The following NTN4 variants were observed in gnomAD, a reference collection of about 807,000 sequenced individuals.
The protein encoded by NTN4 is netrin 4.
NTN4 carries 32 observed loss-of-function variants against 73.6 expected under a neutral mutation model. The observed-to-expected ratio is 0.44, with a 90% CI of 0.33 to 0.58. The LOEUF (loss-of-function observed/expected upper bound fraction) is 0.58, where lower values mean the gene tolerates loss of function less well. Among genes scored for constraint, NTN4 ranks in the 20% least tolerant of loss-of-function variants. The probability of loss-of-function intolerance (pLI) is 0.04; values close to 1 mark genes in which losing one functional copy is unlikely to be tolerated. For synonymous variants in NTN4, 258 were observed against 287.5 expected, an observed-to-expected ratio of 0.90 and a Z score of 1.04; for missense variants, 654 against 798.3, an observed-to-expected ratio of 0.82 and a Z score of 2.18.
intron 5 of NTN4, among the ~76,000 whole-genome samples, chr12:95,699,507 T>A (rs2078467141): frequency 2.0e-5 from 3 of 151,948 alleles, no homozygotes; most frequent in Non-Finnish European, 1.5e-5. Context: ...GAGAGCATCA[T>A]GAGAAGGGGC....
chr12:95,720,285 G>A (rs2078637385), intron 3 of NTN4, among the ~76,000 whole-genome samples: 1 of 152,180 alleles, frequency 6.6e-6, no homozygotes, highest in African/African-American at 2.4e-5. Flanking sequence ...AGGGGAGAGA[G>A]GAGCCAAAAA....
At position 95,710,426 on chromosome 12, in the gene NTN4, C is replaced by T; in HGVS notation, c.1180+15G>A. The T allele has an allele frequency of 6.2e-7, 1 of 1,602,336 alleles. No individual in the cohort carries two copies. The highest frequency in any genetic ancestry group is 8.5e-7 in the Non-Finnish European group (1 of 1,172,304). ...TACAAATCAGCCTATTTTCTGGAAACCACAGGTTACTTACGTTTGCAAGCA... is the reference window on the plus strand; with the variant it reads ...TACAAATCAGCCTATTTTCTGGAAATCACAGGTTACTTACGTTTGCAAGCA... On this transcript the variant is annotated intron_variant, in intron 5 of 9. Transcript: ENST00000343702.
At position 95,683,644 on chromosome 12, in the gene NTN4, G is replaced by A; in HGVS notation, c.1248C>T (p.Ser416=). The A allele has an allele frequency of 6.2e-7, 1 of 1,614,054 alleles. No homozygotes were observed. Among genetic ancestry groups the A allele is most frequent in the South Asian group, 1.1e-5 (1 of 91,068 alleles). Residue 416 remains serine (S), a synonymous_variant, in exon 6 of 10, where the codon AGC becomes AGT. Coordinates refer to ENST00000343702, the MANE Select transcript of NTN4 (RefSeq NM_021229.4). ...CAGGCTTGCAAGGGCAGTCACCATTGCTGGGGTCGCAGAAGGTCACTGAGT... is the reference window on the plus strand; with the variant it reads ...CAGGCTTGCAAGGGCAGTCACCATTACTGGGGTCGCAGAAGGTCACTGAGT... ...PANSVTFCDP[S]NGDCPCKPGV...
At chr12:95,775,101 C>T (rs548242575) in intron 2 of NTN4, among the ~76,000 whole-genome samples, 47 of 152,330 alleles carry the variant, frequency 3.1e-4, no homozygotes, top group Non-Finnish European at 6.2e-4. Context: ...TGCTCTCATT[C>T]TAAGGAACAC....
chr12:95,781,499 G>A lies in NTN4; in HGVS notation c.585+5440C>T, dbSNP rs890102603. 1.3e-5 allele frequency among the ~76,000 whole-genome samples: 2 copies of A among 152,066 alleles called. No homozygotes were observed. The highest frequency in any genetic ancestry group is 2.9e-5 in the Non-Finnish European group (2 of 68,020). ...GCGAGCATCAGGAAGAATAGCTAAT[G>A]GATGCTGGGCTTAATACCTGGGCAA... On this transcript the variant is annotated intron_variant, in intron 2 of 9. Coordinates refer to ENST00000343702, the MANE Select transcript of NTN4 (RefSeq NM_021229.4). The surrounding 1 kb of genome is among the most constrained non-coding windows in gnomAD (Gnocchi z 4.1).
intron 5 of NTN4, among the ~76,000 whole-genome samples, chr12:95,697,145 A>G (rs1247909620): frequency 6.6e-6 from 1 of 151,838 alleles, no homozygotes; most frequent in African/African-American, 2.4e-5. Context: ...ATTGCACTCC[A>G]TTCAGCCTGG....
chr12:95,686,709 G>A (rs2078363642), intron 5 of NTN4, among the ~76,000 whole-genome samples: 1 of 149,024 alleles, frequency 6.7e-6, no homozygotes, highest in Non-Finnish European at 1.5e-5. Flanking sequence ...AATGAGCTGA[G>A]ATTGTACCAC....
intron 2 of NTN4, among the ~76,000 whole-genome samples, chr12:95,738,535 A>C (rs988929203): frequency 1.3e-5 from 2 of 152,152 alleles, no homozygotes; most frequent in African/African-American, 4.8e-5. Context: ...ACAAAGAGAG[A>C]GTGGCTGGAG....
Position 95,659,107 on chromosome 12 carries a change from A to AAT in NTN4, c.1864_1865dup (p.Leu623PhefsTer2). On this transcript the variant is annotated frameshift_variant, in exon 10 of 10. Transcript: ENST00000343702. LOFTEE classifies it high-confidence loss of function. ...AATGCTACTTGCACTCTCTTTTTAA[A>AAT]ATATCCATGACTTTTCTTCCAAGAG... 1.2e-6 allele frequency: 2 copies of AAT among 1,612,630 alleles called. No homozygotes were observed. Among genetic ancestry groups the AAT allele is most frequent in the Non-Finnish European group, 1.7e-6 (2 of 1,179,582 alleles).
At chr12:95,723,239 T>C (rs2078663345) in intron 3 of NTN4, among the ~76,000 whole-genome samples, 1 of 152,008 alleles carries the variant, frequency 6.6e-6, no homozygotes, top group Non-Finnish European at 1.5e-5. Context: ...AAAATTACCT[T>C]TCCTGCTGTC....
At chr12:95,764,637 C>T (rs1475884652) in intron 2 of NTN4, among the ~76,000 whole-genome samples, 1 of 150,850 alleles carries the variant, frequency 6.6e-6, no homozygotes, top group African/African-American at 2.4e-5. Context: ...TGCACTCCAG[C>T]CTGGGTGAGA....
At chr12:95,741,404 C>A (rs1423142988) in intron 2 of NTN4, among the ~76,000 whole-genome samples, 4 of 91,404 alleles carry the variant, frequency 4.4e-5, no homozygotes, top group Non-Finnish European at 2.2e-5. Flanking sequence ...TAGGAAAAAC[C>A]TATAATGTAA....
At chr12:95,679,456 C>T (rs2078298917) in intron 7 of NTN4, among the ~76,000 whole-genome samples, 2 of 152,160 alleles carry the variant, frequency 1.3e-5, no homozygotes, top group South Asian at 4.1e-4. Flanking sequence ...GCTACTCTTC[C>T]AGTCTCAATT....
At chr12:95,785,616 G>A (rs1460933197) in intron 2 of NTN4, among the ~76,000 whole-genome samples, 9 of 152,230 alleles carry the variant, frequency 5.9e-5, no homozygotes, top group Admixed American at 5.2e-4. Context: ...ATCTATGGAA[G>A]TGGGGAAAGG....
chr12:95,734,441 G>A (rs898340695), intron 3 of NTN4, among the ~76,000 whole-genome samples: 3 of 152,164 alleles, frequency 2.0e-5, no homozygotes, highest in African/African-American at 7.2e-5. Context: ...TGCCAGATGA[G>A]GCTGATGGTG....
At chr12:95,669,236 G>A (rs1401869588) in intron 8 of NTN4, among the ~76,000 whole-genome samples, 1 of 151,236 alleles carries the variant, frequency 6.6e-6, no homozygotes, top group Non-Finnish European at 1.5e-5. Context: ...TCAGACACTA[G>A]GCAAGAATGT....
intron 2 of NTN4, among the ~76,000 whole-genome samples, chr12:95,756,393 T>G (rs2078947393): frequency 6.6e-6 from 1 of 152,194 alleles, no homozygotes; most frequent in Non-Finnish European, 1.5e-5. Context: ...GATGTGGAAA[T>G]GCCTTGAAAA....
intron 2 of NTN4, among the ~76,000 whole-genome samples, chr12:95,786,243 G>A (rs1437978648): frequency 6.6e-6 from 1 of 152,090 alleles, no homozygotes; most frequent in Non-Finnish European, 1.5e-5. Context: ...CCTGAGGGTT[G>A]GGGGGAGCCT....
chr12:95,691,716 A>T (rs1400999813), intron 5 of NTN4, among the ~76,000 whole-genome samples: 1 of 152,134 alleles, frequency 6.6e-6, no homozygotes, highest in Admixed American at 6.5e-5. Flanking sequence ...TAGACCCAAC[A>T]GTTGAACCAT....
Sources: gnomAD v4.1 joint callset for allele counts (sites outside exome capture counted in the v4.1 genomes callset) on GRCh38, gnomAD v4.1.1 for gene constraint, Gnocchi (gnomAD v3.1) non-coding constraint, MANE v1.5 for transcripts, NCBI Gene and HGNC (gene_info 2026-07-23, HGNC 2026-07-21) for gene names.